CPVL: variants seen among roughly 807,000 people sequenced by gnomAD.
CPVL encodes carboxypeptidase vitellogenic like, also known as probable serine carboxypeptidase CPVL.
A neutral mutation model predicts 63.7 loss-of-function variants in CPVL; 51 were observed. That is an observed-to-expected ratio of 0.80 (90% CI 0.64 to 1.01). The LOEUF is 1.01. CPVL is among the 50% of genes least tolerant of loss of function. CPVL has a pLI of 0.00. For synonymous variants in CPVL, 195 were observed against 206.0 expected (o/e 0.95, Z 0.46); for missense variants, 530 against 573.1 (o/e 0.92, Z 0.77).
At chr7:29,041,465 T>C (rs765794384) in intron 11 of CPVL, among the ~76,000 whole-genome samples, 2 of 152,178 alleles carry the variant, frequency 1.3e-5, no homozygotes, top group Non-Finnish European at 2.9e-5. Context: ...AATGTACCCC[T>C]GCCTGTCAGA....
chr7:29,173,093 T>G (rs1251471735), intron 5 of CPVL, among the ~76,000 whole-genome samples: 1 of 147,672 alleles, frequency 6.8e-6, no homozygotes. Context: ...ATTGCGCCAA[T>G]GTACTCCAGC....
At chr7:29,155,216 A>G (rs1197011583) in intron 5 of CPVL, among the ~76,000 whole-genome samples, 1 of 152,230 alleles carries the variant, frequency 6.6e-6, no homozygotes, top group African/African-American at 2.4e-5. Flanking sequence ...AAATGAAAAT[A>G]AAGAAGTATT....
At chr7:29,022,108 C>T (rs11764430) in intron 12 of CPVL, among the ~76,000 whole-genome samples, 27,762 of 152,096 alleles carry the variant, frequency 0.18, 2,773 homozygotes, top group East Asian at 0.28. Flanking sequence ...CCCCCAGCAG[C>T]AGGGTGGCTG....
chr7:29,132,855 C>A (rs1392815713), intron 1 of CPVL, among the ~76,000 whole-genome samples: 2 of 152,172 alleles, frequency 1.3e-5, no homozygotes, highest in African/African-American at 4.8e-5. Context: ...AAAATTTCAT[C>A]ATATATACAA....
intron 6 of CPVL, among the ~76,000 whole-genome samples, chr7:29,091,919 G>A (rs1351391445): frequency 1.3e-5 from 2 of 152,224 alleles, no homozygotes; most frequent in Non-Finnish European, 1.5e-5. Flanking sequence ...GGAGGTGTGG[G>A]GTAGGGAGCT....
chr7:29,175,084 G>T (rs1483059872), intron 5 of CPVL, among the ~76,000 whole-genome samples: 1 of 152,100 alleles, frequency 6.6e-6, no homozygotes, highest in Admixed American at 6.5e-5. Flanking sequence ...CAGGGACCCA[G>T]TGGGAGATGA....
chr7:29,164,547 G>A (rs1336053455), intron 5 of CPVL, among the ~76,000 whole-genome samples: 1 of 151,826 alleles, frequency 6.6e-6, no homozygotes, highest in Non-Finnish European at 1.5e-5. Flanking sequence ...CACTTCGGGG[G>A]GCTGAGGCGG....
At chr7:29,041,339 A>T (rs1177621913) in intron 11 of CPVL, among the ~76,000 whole-genome samples, 3 of 152,022 alleles carry the variant, frequency 2.0e-5, no homozygotes, top group African/African-American at 7.2e-5. Flanking sequence ...GGCCTCCCAA[A>T]GTGCTGGGAT....
At chr7:29,104,778 G>C (rs970072248) in intron 3 of CPVL, among the ~76,000 whole-genome samples, 1 of 152,182 alleles carries the variant, frequency 6.6e-6, no homozygotes, top group Non-Finnish European at 1.5e-5. Flanking sequence ...ATAAGGAATA[G>C]GGAAGTGGGC....
At chr7:29,015,480 G>A (rs1786317853) in intron 12 of CPVL, among the ~76,000 whole-genome samples, 1 of 152,120 alleles carries the variant, frequency 6.6e-6, no homozygotes, top group Non-Finnish European at 1.5e-5. Flanking sequence ...ACGAGATCTT[G>A]TCATCTAAAG....
intron 1 of CPVL, among the ~76,000 whole-genome samples, chr7:29,190,670 A>G (rs45174): frequency 6.6e-6 from 1 of 151,980 alleles, no homozygotes; most frequent in Admixed American, 6.5e-5. Flanking sequence ...GTCTTTTTTG[A>G]TCACAGCAAA....
chr7:29,080,921 G>T (rs1185809818), intron 7 of CPVL, among the ~76,000 whole-genome samples: 24 of 152,206 alleles, frequency 1.6e-4, no homozygotes, highest in Admixed American at 1.5e-3. Flanking sequence ...AAGAGAGTCT[G>T]CCCGTTTTTG....
intron 5 of CPVL, among the ~76,000 whole-genome samples, chr7:29,163,245 A>G (rs2128713724): frequency 6.6e-6 from 1 of 152,316 alleles, no homozygotes; most frequent in African/African-American, 2.4e-5. Flanking sequence ...ACGTGCTACA[A>G]GTGTAAAGTA....
chr7:29,148,164 T>A (rs717132), upstream of CPVL, among the ~76,000 whole-genome samples: 14,518 of 152,154 alleles, frequency 0.095, 1,566 homozygotes, highest in African/African-American at 0.24. Flanking sequence ...GCAGGCTCAG[T>A]GCCATTTGGG....
upstream of CPVL, among the ~76,000 whole-genome samples, chr7:29,150,161 T>C (rs1395190953): frequency 1.3e-5 from 2 of 152,214 alleles, no homozygotes; most frequent in Non-Finnish European, 2.9e-5. Flanking sequence ...TTGGGTTTGT[T>C]AAGCCCTAGT....
intron 8 of CPVL, 30 bp from the exon 9 acceptor site, chr7:29,071,934 G>T (rs1397459909): frequency 1.2e-6 from 2 of 1,612,540 alleles, no homozygotes; most frequent in African/African-American, 1.3e-5. Context: ...ACATCAATGT[G>T]ACAAAGGGAG....
At chr7:29,160,957 A>C (rs1795094875) in intron 5 of CPVL, among the ~76,000 whole-genome samples, 1 of 152,202 alleles carries the variant, frequency 6.6e-6, no homozygotes, top group Non-Finnish European at 1.5e-5. Context: ...ATTAAGAACA[A>C]GTGTCATTTT....
intron 5 of CPVL, among the ~76,000 whole-genome samples, chr7:29,093,377 CAAAAAAAAAAA>C (rs371165878): frequency 7.1e-5 from 5 of 70,026 alleles, no homozygotes; most frequent in African/African-American, 3.1e-4. Context: ...ACTCCGTCTC[CAAAAAAAAAAA>C]AAAAAAAAAA....
At chr7:29,169,638 C>T (rs948943780) in intron 5 of CPVL, among the ~76,000 whole-genome samples, 4 of 152,038 alleles carry the variant, frequency 2.6e-5, no homozygotes, top group African/African-American at 9.7e-5. Context: ...TTGGCTTCTG[C>T]CTTTTCATGT....
Sources: allele counts gnomAD v4.1 joint callset (sites outside exome capture counted in the v4.1 genomes callset), GRCh38; gene constraint gnomAD v4.1.1; transcripts MANE v1.5; gene names NCBI Gene and HGNC (gene_info 2026-07-23, HGNC 2026-07-21).